Variants in ERICH3 observed in about 807,000 individuals in gnomAD.
ERICH3 encodes the protein glutamate rich 3, also known as glutamate-rich protein 3.
A neutral mutation model predicts 131.1 loss-of-function variants in ERICH3; 126 were observed. The ratio of observed to expected loss-of-function variants is 0.96; its 90% CI spans 0.83 to 1.11. ERICH3 has a LOEUF of 1.11. ERICH3 is among the 50% of genes most tolerant of loss of function. The probability of loss-of-function intolerance (pLI) is 0.00; values close to 1 mark genes in which losing one functional copy is unlikely to be tolerated. For missense variants in ERICH3, 2,050 were observed against 1,810.7 expected (o/e 1.13, Z -2.40); for synonymous variants, 695 against 644.6 (o/e 1.08, Z -1.18).
intron 4 of ERICH3, 98 bp downstream of exon 4, chr1:74,642,929 A>G: frequency 5.6e-6 from 5 of 890,160 alleles, no homozygotes; most frequent in Non-Finnish European, 8.7e-6. Flanking sequence ...TTTAACCAAA[A>G]GTAAAGTGTC....
chr1:74,586,058 G>A (rs1036765885), intron 12 of ERICH3, among the ~76,000 whole-genome samples: 2 of 151,730 alleles, frequency 1.3e-5, no homozygotes, highest in Non-Finnish European at 2.9e-5. Flanking sequence ...ATATTTCCTG[G>A]CTTTCACAAC....
intron 14 of ERICH3, among the ~76,000 whole-genome samples, 181 bp from the exon 15 acceptor site, chr1:74,570,620 T>TTATATATG (rs916740532): frequency 6.6e-6 from 1 of 152,226 alleles, no homozygotes; most frequent in African/African-American, 2.4e-5. Context: ...GTAAAACATT[T>TTATATATG]TATATATGTA....
At chr1:74,621,311 A>G (rs945871449) in intron 7 of ERICH3, 1 of 153,752 alleles carries the variant, frequency 6.5e-6, no homozygotes, top group African/African-American at 2.4e-5. Flanking sequence ...AACTAAATAA[A>G]TATTAGTAAC....
chr1:74,612,715 A>T lies in ERICH3; in HGVS notation c.1095T>A (p.Cys365Ter), dbSNP rs1413295664. The T allele has an allele frequency of 1.2e-6, 2 of 1,607,680 alleles. No individual in the cohort carries two copies. The highest frequency in any genetic ancestry group is 2.2e-5 in the South Asian group (2 of 90,452). Residue 365 changes from cysteine to a stop codon, truncating the protein, a stop_gained, in exon 9 of 15, where the codon TGT becomes TGA. Coordinates refer to ENST00000326665, the MANE Select transcript of ERICH3 (RefSeq NM_001002912.5). LOFTEE classifies it high-confidence loss of function. ...AACCTTTCCGATGCTTGTATTCACA[A>T]CAGGAGCTTAACCTGTTCACCTGCA... ...NGMQVNRLSSCCEYKHRKGSR... is the reference protein window; with the variant it reads ...NGMQVNRLSS
chr1:74,586,402 T>G (rs933293316), intron 12 of ERICH3: 20 of 981,564 alleles, frequency 2.0e-5, no homozygotes, highest in Non-Finnish European at 2.2e-5. Flanking sequence ...TCTGTAATCA[T>G]GCACACACCA....
chr1:74,645,386 T>A (rs954907452), intron 3 of ERICH3, among the ~76,000 whole-genome samples: 1 of 151,778 alleles, frequency 6.6e-6, no homozygotes, highest in Non-Finnish European at 1.5e-5. Flanking sequence ...AAATATTGTT[T>A]TTTTCTATTA....
intron 11 of ERICH3, among the ~76,000 whole-genome samples, chr1:74,590,772 T>C (rs918205513): frequency 6.6e-6 from 1 of 152,210 alleles, no homozygotes; most frequent in African/African-American, 2.4e-5. Flanking sequence ...GTCTAAATCA[T>C]TGTTAGGATA....
chr1:74,589,968 T>G lies in ERICH3; in HGVS notation c.1839A>C (p.Glu613Asp). 1 of 1,614,040 alleles carries G rather than the reference T, an allele frequency of 6.2e-7. No individual in the cohort carries two copies. The highest frequency in any genetic ancestry group is 8.5e-7 in the Non-Finnish European group (1 of 1,179,948). The change falls in exon 12 of 15, where the codon GAA becomes GAC. Residue 613 changes from glutamate to aspartate, a missense_variant. By Grantham distance (45) the Glu-to-Asp change is conservative (BLOSUM62 2). Transcript: ENST00000326665. ...REAHTDSSTD[E>D]SARRSSSQEL... is the part of the protein sequence containing the mutation. ...CCTGAGAAGATGACCTTCTGGCACT[T>G]TCATCTGTGCTGCTGTCAGTGTGGG...
At chr1:74,598,560 T>C (rs1460497192) in intron 11 of ERICH3, among the ~76,000 whole-genome samples, 1 of 151,712 alleles carries the variant, frequency 6.6e-6, no homozygotes, top group Non-Finnish European at 1.5e-5. Context: ...CTATGCCTAA[T>C]AAAGAGCCCC....
rs1192784561 is a variant in ERICH3 at position 74,572,086 on chromosome 1, G to T, written c.3624C>A (p.His1208Gln). 1 of 1,614,062 alleles carries T rather than the reference G, an allele frequency of 6.2e-7. No homozygotes were observed. Among genetic ancestry groups the T allele is most frequent in the Non-Finnish European group, 8.5e-7 (1 of 1,180,038 alleles). The change falls in exon 14 of 15, where the codon CAC (histidine) becomes CAA (glutamine). Residue 1208 changes from histidine to glutamine, a missense_variant. His to Gln is a conservative substitution (Grantham distance 24, BLOSUM62 0). Coordinates refer to ENST00000326665, the MANE Select transcript of ERICH3 (RefSeq NM_001002912.5). ...SRENRALKEG[H>Q]RQDGEGALAA... ...CTAAGGCCCCCTCTCCATCTTGGCG[G>T]TGCCCTTCCTTCAGGGCCCTATTCT...
chr1:74,588,065 G>A (rs1647416181), intron 12 of ERICH3, among the ~76,000 whole-genome samples: 1 of 152,152 alleles, frequency 6.6e-6, no homozygotes. Context: ...TAGTGGTTTG[G>A]CCCCTGGGCC....
At chr1:74,607,146 CAAAAT>C (rs917457929) in intron 9 of ERICH3, among the ~76,000 whole-genome samples, 3 of 151,874 alleles carry the variant, frequency 2.0e-5, no homozygotes, top group African/African-American at 7.2e-5. Context: ...CAATAATAAA[CAAAAT>C]AAAATAACTC....
In ERICH3 at chr1:74,660,035, G is replaced by C. The variant is rs564371023; in HGVS notation, c.24-10720C>G. Among the ~76,000 whole-genome samples, 9 of 152,226 alleles carry C rather than the reference G, an allele frequency of 5.9e-5. No homozygotes were observed. The South Asian group carries it at 1.9e-3, about 32-fold the overall frequency. On this transcript the variant is annotated intron_variant, in intron 1 of 14. Transcript: ENST00000326665. ...AATTCCCTTAAACCCCATGTGTCAA[G>C]GGAGGGACCCAATGGGAGATAATTT...
chr1:74,574,966 T>C (rs1647024317), intron 13 of ERICH3, among the ~76,000 whole-genome samples: 1 of 151,652 alleles, frequency 6.6e-6, no homozygotes, highest in Non-Finnish European at 1.5e-5. Flanking sequence ...TAAGTTATCA[T>C]ACCAAGATGT....
At chr1:74,656,236 C>T (rs1427790560) in intron 1 of ERICH3, among the ~76,000 whole-genome samples, 1 of 152,140 alleles carries the variant, frequency 6.6e-6, no homozygotes, top group Admixed American at 6.5e-5. Context: ...TAGCACATCC[C>T]TTTTCTCTCA....
rs753434286 is a variant in ERICH3, at chr1:74,590,075, T to C, written c.1732A>G (p.Lys578Glu). Reference protein sequence around the residue: ...SELEEDKQDMKTASSTSSRSH... With the variant: ...SELEEDKQDMETASSTSSRSH... ...CTGGATGAGGTTGATGAAGCAGTTTTCATATCTACAAAAAATAAAAGTGAT... is the reference window on the plus strand; with the variant it reads ...CTGGATGAGGTTGATGAAGCAGTTTCCATATCTACAAAAAATAAAAGTGAT... The change falls in exon 12 of 15, where the codon AAA (lysine) becomes GAA (glutamate). Residue 578 changes from lysine to glutamate, a missense_variant. Coordinates refer to ENST00000326665, the MANE Select transcript of ERICH3 (RefSeq NM_001002912.5). 3 of 1,584,238 alleles carry C rather than the reference T, an allele frequency of 1.9e-6. No individual in the cohort carries two copies. The highest frequency in any genetic ancestry group is 3.7e-5 in the Admixed American group (2 of 54,606).
intron 12 of ERICH3, among the ~76,000 whole-genome samples, chr1:74,581,110 A>AT (rs1270055707): frequency 6.6e-6 from 1 of 152,112 alleles, no homozygotes; most frequent in Non-Finnish European, 1.5e-5. Flanking sequence ...AAATTAATGA[A>AT]TTTTTTTCAA....
intron 1 of ERICH3, among the ~76,000 whole-genome samples, chr1:74,668,291 G>T (rs1377068139): frequency 6.6e-6 from 1 of 152,026 alleles, no homozygotes; most frequent in East Asian, 1.9e-4. Context: ...AATTATCTTT[G>T]AATTTTCCAG....
At chr1:74,645,603 C>A (rs916915669) in intron 3 of ERICH3, among the ~76,000 whole-genome samples, 1 of 151,640 alleles carries the variant, frequency 6.6e-6, no homozygotes, top group East Asian at 1.9e-4. Flanking sequence ...GAACTCAGTG[C>A]CTATTGAGTA....
Sources: allele counts gnomAD v4.1 joint callset (sites outside exome capture counted in the v4.1 genomes callset), GRCh38; gene constraint gnomAD v4.1.1; transcripts MANE v1.5; gene names NCBI Gene and HGNC (gene_info 2026-07-23, HGNC 2026-07-21).